BABAM2: variants seen among roughly 807,000 people sequenced by gnomAD.
The protein encoded by BABAM2 is BRISC and BRCA1-A complex member 2.
In BABAM2, 31 loss-of-function variants were observed where a neutral mutation model predicts 54.7. The ratio of observed to expected loss-of-function variants is 0.57; its 90% CI spans 0.43 to 0.77. The LOEUF (loss-of-function observed/expected upper bound fraction) is 0.77, where lower values mean the gene tolerates loss of function less well. Ranked by LOEUF, BABAM2 falls within the 30% of genes least tolerant of loss-of-function variation. The probability of loss-of-function intolerance (pLI) is 0.00; values close to 1 mark genes in which losing one functional copy is unlikely to be tolerated. For synonymous variants in BABAM2, 167 were observed against 162.9 expected (o/e 1.03, Z -0.19); for missense variants, 364 against 455.8 (o/e 0.80, Z 1.83).
chr2:28,042,016 A>G (rs1312831649), intron 5 of BABAM2, among the ~76,000 whole-genome samples: 1 of 152,122 alleles, frequency 6.6e-6, no homozygotes, highest in Non-Finnish European at 1.5e-5. Context: ...CCAAAAGTCA[A>G]TATTTTGAAG....
At chr2:28,254,671 T>TA (rs1313040338) in intron 10 of BABAM2, among the ~76,000 whole-genome samples, 3 of 152,134 alleles carry the variant, frequency 2.0e-5, no homozygotes, top group Non-Finnish European at 4.4e-5. Context: ...AAGGGAAATG[T>TA]TGTTTTACCT....
chr2:27,940,758 C>T (rs1404425651), intron 3 of BABAM2, among the ~76,000 whole-genome samples: 1 of 152,134 alleles, frequency 6.6e-6, no homozygotes, highest in African/African-American at 2.4e-5. Context: ...TGTAAGGAAT[C>T]AAGTAAAGCC....
intron 10 of BABAM2, among the ~76,000 whole-genome samples, chr2:28,280,233 T>C (rs1686238507): frequency 6.6e-6 from 1 of 151,860 alleles, no homozygotes; most frequent in African/African-American, 2.4e-5. Context: ...ACATTTTTTT[T>C]TATTTTTTGT....
intron 6 of BABAM2, among the ~76,000 whole-genome samples, chr2:28,127,383 G>C (rs1173572491): frequency 6.6e-6 from 1 of 152,228 alleles, no homozygotes; most frequent in East Asian, 1.9e-4. Context: ...TACCCTTAGT[G>C]GGAATGGTCT....
intron 7 of BABAM2, among the ~76,000 whole-genome samples, chr2:28,196,805 C>T (rs563746946): frequency 1.4e-5 from 2 of 147,180 alleles, no homozygotes; most frequent in South Asian, 2.2e-4. Context: ...TATGATCACA[C>T]TCCAGCCTGG....
chr2:28,327,448 G>C, intron 11 of BABAM2: 1 of 1,578,242 alleles, frequency 6.3e-7, no homozygotes, highest in Non-Finnish European at 8.6e-7. Flanking sequence ...GATCACTTTG[G>C]TAAGTATTTA....
Position 28,275,048 on chromosome 2 carries a change from G to A in BABAM2, c.935-23290G>A, listed in dbSNP as rs959229136. On this transcript the variant is annotated intron_variant, in intron 10 of 11. Coordinates refer to ENST00000379624, the MANE Select transcript of BABAM2 (RefSeq NM_199191.3). ...TGCAAGTCAAGTGAATACTAGTCGG[G>A]AGGGATTAGATGACTCAGCCTCTGC... is the stretch of plus-strand genomic sequence containing the variant. 2.0e-5 allele frequency among the ~76,000 whole-genome samples: 3 copies of A among 152,168 alleles called. No individual in the cohort carries two copies. In the South Asian group the frequency reaches 6.2e-4, roughly 32 times the overall value.
At chr2:28,114,441 C>T (rs1668416852) in intron 6 of BABAM2, among the ~76,000 whole-genome samples, 2 of 152,130 alleles carry the variant, frequency 1.3e-5, no homozygotes, top group South Asian at 2.1e-4. Flanking sequence ...TCATCCTTTC[C>T]TCATAGGGCT....
At chr2:28,177,981 G>A (rs1242194160) in intron 7 of BABAM2, among the ~76,000 whole-genome samples, 1 of 146,302 alleles carries the variant, frequency 6.8e-6, no homozygotes, top group Non-Finnish European at 1.5e-5. Context: ...CAACACTGGA[G>A]CACCCAGAGT....
chr2:27,995,917 G>A lies in BABAM2; in HGVS notation c.300+7830G>A, dbSNP rs1673112319. ...TTAATTTTAGAGAATATGTTCTTCA[G>A]TTTTACAATTCTATTTGATTATTTT... On this transcript the variant is annotated intron_variant, in intron 4 of 11. Coordinates refer to ENST00000379624, the MANE Select transcript of BABAM2 (RefSeq NM_199191.3). This position sits in a 1 kb window ranked among gnomAD's most constrained non-coding sequence, Gnocchi z 4.1. Among the ~76,000 whole-genome samples, 1 of 152,040 alleles carries A rather than the reference G, an allele frequency of 6.6e-6. No individual in the cohort carries two copies. The highest frequency in any genetic ancestry group is 1.5e-5 in the Non-Finnish European group (1 of 67,992).
chr2:28,045,847 G>A, intron 6 of BABAM2, 48 bp downstream of exon 6: 6 of 1,411,712 alleles, frequency 4.3e-6, no homozygotes, highest in Non-Finnish European at 5.9e-6. Context: ...AGCTTTTTAA[G>A]TAATTATTTA....
At chr2:28,140,395 C>T (rs556307059) in intron 7 of BABAM2, among the ~76,000 whole-genome samples, 5 of 152,204 alleles carry the variant, frequency 3.3e-5, no homozygotes, top group South Asian at 4.2e-4. Context: ...ATAGGAGAAG[C>T]GCTTGACTAC....
intron 6 of BABAM2, among the ~76,000 whole-genome samples, chr2:28,050,599 C>T (rs1677926188): frequency 6.6e-6 from 1 of 152,144 alleles, no homozygotes; most frequent in Admixed American, 6.5e-5. Flanking sequence ...AGACAAACAA[C>T]AAAAGAAATT....
At chr2:27,969,951 G>T (rs954271885) in intron 3 of BABAM2, among the ~76,000 whole-genome samples, 3 of 152,178 alleles carry the variant, frequency 2.0e-5, no homozygotes, top group African/African-American at 7.2e-5. Context: ...GTGGGAGGAC[G>T]AAGGGAGTAT....
intron 10 of BABAM2, among the ~76,000 whole-genome samples, chr2:28,287,346 T>C (rs116774576): frequency 2.4e-3 from 368 of 152,334 alleles, no homozygotes; most frequent in African/African-American, 8.6e-3. Context: ...TCAATTCTTT[T>C]AAAAATAGAA....
At chr2:28,172,251 G>A (rs531498068) in intron 7 of BABAM2, among the ~76,000 whole-genome samples, 3 of 152,210 alleles carry the variant, frequency 2.0e-5, no homozygotes, top group African/African-American at 7.2e-5. Flanking sequence ...ACGTAGTTTT[G>A]TCCTCCCTAT....
chr2:28,300,262 G>A (rs528289039), intron 11 of BABAM2, among the ~76,000 whole-genome samples: 16 of 152,218 alleles, frequency 1.1e-4, no homozygotes, highest in African/African-American at 3.1e-4. Context: ...TAATGTCAGG[G>A]TGTCTTCTTC....
chr2:28,249,778 C>CTAT (rs1356972296), intron 10 of BABAM2, among the ~76,000 whole-genome samples: 2 of 152,066 alleles, frequency 1.3e-5, no homozygotes, highest in African/African-American at 4.8e-5. Context: ...GTAGCTGGAA[C>CTAT]TATACATAAG....
At chr2:28,236,596 C>T (rs897603382) in intron 7 of BABAM2, among the ~76,000 whole-genome samples, 7 of 151,988 alleles carry the variant, frequency 4.6e-5, no homozygotes, top group African/African-American at 1.2e-4. Context: ...AAACTCCTGA[C>T]CTCAAGTGAT....
Sources: gnomAD v4.1 joint callset for allele counts (sites outside exome capture counted in the v4.1 genomes callset) on GRCh38, gnomAD v4.1.1 for gene constraint, Gnocchi (gnomAD v3.1) non-coding constraint, MANE v1.5 for transcripts, NCBI Gene and HGNC (gene_info 2026-07-23, HGNC 2026-07-21) for gene names.